SLC25A12: variants seen among roughly 807,000 people sequenced by gnomAD.
The protein encoded by SLC25A12 is electrogenic aspartate/glutamate antiporter SLC25A12, mitochondrial.
A neutral mutation model predicts 83.3 loss-of-function variants in SLC25A12; 32 were observed. That is an observed-to-expected ratio of 0.38 (90% CI 0.29 to 0.52). The LOEUF (loss-of-function observed/expected upper bound fraction) is 0.52. Among genes scored for constraint, SLC25A12 ranks in the 20% least tolerant of loss-of-function variants. The pLI is 0.84. For missense variants in SLC25A12, 611 were observed against 835.6 expected, an observed-to-expected ratio of 0.73 and a Z score of 3.31; for synonymous variants, 267 against 291.1, an observed-to-expected ratio of 0.92 and a Z score of 0.84.
chr2:171,847,371 T>C (rs1030617706), intron 4 of SLC25A12, among the ~76,000 whole-genome samples: 16 of 152,222 alleles, frequency 1.1e-4, no homozygotes, highest in African/African-American at 3.9e-4. Flanking sequence ...AATAAAATTA[T>C]ATAAAAGCTC....
At chr2:171,828,797 T>C (rs1297169481) in intron 8 of SLC25A12, among the ~76,000 whole-genome samples, 1 of 152,226 alleles carries the variant, frequency 6.6e-6, no homozygotes, top group Non-Finnish European at 1.5e-5. Flanking sequence ...TATCAAATTA[T>C]ATGGATGCTA....
chr2:171,855,431 A>G (rs1685026058), intron 4 of SLC25A12, among the ~76,000 whole-genome samples: 1 of 152,352 alleles, frequency 6.6e-6, no homozygotes, highest in East Asian at 1.9e-4. Flanking sequence ...ACAATGACAT[A>G]GTAGCAATTT....
At position 171,833,465 on chromosome 2, in the gene SLC25A12, G is replaced by A. The variant is rs528922104; in HGVS notation, c.845+498C>T. Among the ~76,000 whole-genome samples, 6 of 152,254 alleles carry A rather than the reference G, an allele frequency of 3.9e-5. No individual in the cohort carries two copies. The East Asian group carries it at 5.8e-4, about 15-fold the overall frequency. On this transcript the variant is annotated intron_variant, in intron 8 of 17. Coordinates refer to ENST00000422440, the MANE Select transcript of SLC25A12 (RefSeq NM_003705.5). ...ACAGGGAGCCTTCACTTCAGTCTCC[G>A]ACTGGTCACAGGCCAGGCTGGTCTC... is the stretch of plus-strand genomic sequence containing the variant.
chr2:171,867,882 T>C (rs1394240206), intron 3 of SLC25A12, among the ~76,000 whole-genome samples: 6 of 152,226 alleles, frequency 3.9e-5, no homozygotes, highest in Admixed American at 2.6e-4. Flanking sequence ...CCTCGCTCTG[T>C]TGCCCAGGCT....
chr2:171,784,805 A>G lies in SLC25A12; in HGVS notation c.*469T>C, dbSNP rs1276117447. The G allele has an allele frequency of 1.6e-5, 3 of 184,852 alleles. No individual in the cohort carries two copies. The highest frequency in any genetic ancestry group is 3.5e-5 in the Non-Finnish European group (3 of 86,394). The allele number at this position is 184,852 out of a possible 1,614,324, so 11.5% of individuals were successfully genotyped here. ...CATCCAATATTGATGCTTTATTTCCATAAGTCACCAATAAGAGAATGAATT... is the reference window on the plus strand; with the variant it reads ...CATCCAATATTGATGCTTTATTTCCGTAAGTCACCAATAAGAGAATGAATT... On this transcript the variant is annotated 3_prime_UTR_variant, in exon 18 of 18. Coordinates refer to ENST00000422440, the MANE Select transcript of SLC25A12 (RefSeq NM_003705.5).
chr2:171,831,505 G>A (rs976304861), intron 8 of SLC25A12, among the ~76,000 whole-genome samples: 1 of 152,158 alleles, frequency 6.6e-6, no homozygotes, highest in African/African-American at 2.4e-5. Context: ...GCAAATTCTT[G>A]TCCTAAAGTA....
At chr2:171,792,090 A>C (rs1574674320) in intron 14 of SLC25A12, among the ~76,000 whole-genome samples, 1 of 146,546 alleles carries the variant, frequency 6.8e-6, no homozygotes, top group East Asian at 2.0e-4. Flanking sequence ...CCCATGTCCT[A>C]AATAGCAGAC....
At chr2:171,811,423 T>C (rs972497345) in intron 11 of SLC25A12, among the ~76,000 whole-genome samples, 2 of 152,214 alleles carry the variant, frequency 1.3e-5, no homozygotes, top group Non-Finnish European at 1.5e-5. Flanking sequence ...CTAACTCCCA[T>C]ACAACCATGT....
chr2:171,787,889 C>A lies in SLC25A12; in HGVS notation c.1644G>T (p.Val548=). The A allele has an allele frequency of 6.2e-7, 1 of 1,614,242 alleles. No individual in the cohort carries two copies. Among genetic ancestry groups the A allele is most frequent in the Non-Finnish European group, 8.5e-7 (1 of 1,180,046 alleles). ...ATGTCGTCTGGCCAGCGCGGGCAGC[C>A]ACCTGCAGTCTTGTCTTGATGACAT... ...PADVIKTRLQ[V]AARAGQTTYS... is the part of the protein sequence containing the mutation. The change falls in exon 16 of 18, where the codon GTG becomes GTT. Residue 548 remains valine (V), a synonymous_variant. Transcript: ENST00000422440.
At chr2:171,834,295 TA>T in intron 7 of SLC25A12, 1 of 491,426 alleles carries the variant, frequency 2.0e-6, no homozygotes, top group South Asian at 2.4e-5. Context: ...ACTTCAAGAA[TA>T]AAACAATCTC....
intron 2 of SLC25A12, among the ~76,000 whole-genome samples, chr2:171,869,474 A>C (rs1454304944): frequency 6.6e-6 from 1 of 152,210 alleles, no homozygotes; most frequent in African/African-American, 2.4e-5. Context: ...GGAGACACGT[A>C]ATCTGCCAAA....
At chr2:171,794,506 A>G (rs1683556671) in intron 13 of SLC25A12, among the ~76,000 whole-genome samples, 1 of 152,042 alleles carries the variant, frequency 6.6e-6, no homozygotes, top group Non-Finnish European at 1.5e-5. Flanking sequence ...TCAAAGCCAC[A>G]TTCTATATTC....
In SLC25A12 at chr2:171,855,854, C is replaced by T; in HGVS notation, c.305G>A (p.Gly102Glu). The T allele has an allele frequency of 6.2e-7, 1 of 1,608,546 alleles. No homozygotes were observed. Among genetic ancestry groups the T allele is most frequent in the Non-Finnish European group, 8.5e-7 (1 of 1,174,970 alleles). The change falls in exon 4 of 18, where the codon GGA (glycine) becomes GAA (glutamate). Residue 102 changes from glycine (G) to glutamate (E), a missense_variant. Gly to Glu is a moderately conservative substitution (Grantham distance 98). Around this residue, in one of 3 missense-constraint regions of SLC25A12, gnomAD observed 540 missense variants for 777.5 expected, o/e 0.69. Coordinates refer to ENST00000422440, the MANE Select transcript of SLC25A12 (RefSeq NM_003705.5). ...IVAFQLFDKS[G>E]NGEVTFENVK... ...CTTACCAAATGTCACCTCTCCATTT[C>T]CACTCTTGTCAAACAACTGGAAAGC...
chr2:171,806,201 C>T (rs556141960), intron 13 of SLC25A12, among the ~76,000 whole-genome samples: 19 of 152,182 alleles, frequency 1.2e-4, no homozygotes, highest in African/African-American at 3.9e-4. Flanking sequence ...GGCTCACGCC[C>T]GTAATCCCAG....
At chr2:171,813,183 T>C (rs1386051474) in intron 11 of SLC25A12, among the ~76,000 whole-genome samples, 156 bp downstream of exon 11, 2 of 151,782 alleles carry the variant, frequency 1.3e-5, no homozygotes, top group African/African-American at 2.4e-5. Context: ...CCAGAAAGAA[T>C]GCAAAAAGGG....
intron 9 of SLC25A12, among the ~76,000 whole-genome samples, chr2:171,825,495 G>A (rs1308543764): frequency 6.6e-6 from 1 of 152,152 alleles, no homozygotes; most frequent in Non-Finnish European, 1.5e-5. Flanking sequence ...GCCAACCCTG[G>A]CTACTCACCA....
chr2:171,788,712 A>G (rs552382211), intron 15 of SLC25A12: 2 of 152,534 alleles, frequency 1.3e-5, no homozygotes, highest in East Asian at 3.9e-4. Context: ...GAAGAAATTC[A>G]ATTTGGCCTG....
intron 2 of SLC25A12, among the ~76,000 whole-genome samples, chr2:171,890,477 CTGTGTGTG>C (rs34728188): frequency 2.7e-5 from 4 of 149,206 alleles, no homozygotes; most frequent in African/African-American, 4.9e-5. Flanking sequence ...TCGTGTGTGT[CTGTGTGTG>C]TGTGTGTGTG....
Position 171,837,245 on chromosome 2 carries a change from C to A in SLC25A12, c.488G>T (p.Arg163Ile). ...TTTGTCTTTGAGTGCAAAGGCTTGTCTTGCATGTTCCAATTGCAGCTCCTG... is the reference window on the plus strand; with the variant it reads ...TTTGTCTTTGAGTGCAAAGGCTTGTATTGCATGTTCCAATTGCAGCTCCTG... ...FLQELQLEHA[R>I]QAFALKDKSK... Residue 163 changes from arginine (R) to isoleucine (I), a missense_variant, in exon 6 of 18, where the codon AGA becomes ATA. By Grantham distance (97) the Arg-to-Ile change is moderately conservative. Coordinates refer to ENST00000422440, the MANE Select transcript of SLC25A12 (RefSeq NM_003705.5). 6.2e-7 allele frequency: 1 copy of A among 1,614,056 alleles called. No individual in the cohort carries two copies. Among genetic ancestry groups the A allele is most frequent in the South Asian group, 1.1e-5 (1 of 91,078 alleles).
Sources: allele counts gnomAD v4.1 joint callset (sites outside exome capture counted in the v4.1 genomes callset), GRCh38; gene constraint gnomAD v4.1.1; regional missense constraint gnomAD v4.1.1; transcripts MANE v1.5; gene names NCBI Gene and HGNC (gene_info 2026-07-23, HGNC 2026-07-21).